The following RYR2 variants were observed in gnomAD, a reference collection of about 807,000 sequenced individuals.
RYR2 encodes the protein cardiac muscle ryanodine receptor-calcium release channel.
In RYR2, 227 loss-of-function variants were observed where a neutral mutation model predicts 601.1. That is an observed-to-expected ratio of 0.38 (90% CI 0.34 to 0.42). RYR2 has a LOEUF of 0.42. Among genes scored for constraint, RYR2 ranks in the 10% least tolerant of loss-of-function variants. RYR2 has a pLI of 1.00. For synonymous variants in RYR2, 2,223 were observed against 2,175.1 expected, an observed-to-expected ratio of 1.02 and a Z score of -0.61; for missense variants, 4,646 against 6,156.5, an observed-to-expected ratio of 0.75 and a Z score of 8.21.
In RYR2 at chr1:237,452,489, T is replaced by C. The variant is rs182454436; in HGVS notation, c.1293-1902T>C. ...ACTATTAGTATATACTAATATATACTATATATAATGTATAACAAATATATA... is the reference window on the plus strand; with the variant it reads ...ACTATTAGTATATACTAATATATACCATATATAATGTATAACAAATATATA... On this transcript the variant is annotated intron_variant, in intron 14 of 104. Transcript: ENST00000366574. 4.3e-4 allele frequency among the ~76,000 whole-genome samples: 63 copies of C among 144,962 alleles called. 1 individual carries two copies. The highest frequency in any genetic ancestry group is 0.012 in the Middle Eastern group (2 of 164).
chr1:237,407,620 T>G (rs1372578847), intron 10 of RYR2, among the ~76,000 whole-genome samples: 1 of 150,964 alleles, frequency 6.6e-6, no homozygotes, highest in Non-Finnish European at 1.5e-5. Flanking sequence ...TTTTTTTTTT[T>G]TTTTTTTTTA....
chr1:237,771,889 G>C (rs1694300330), intron 85 of RYR2, 123 bp from the exon 86 acceptor site: 1 of 629,946 alleles, frequency 1.6e-6, no homozygotes, highest in African/African-American at 1.9e-5. Context: ...AAAACTATTA[G>C]ATAAAAACAC....
chr1:237,394,912 A>C (rs956136718), intron 10 of RYR2, among the ~76,000 whole-genome samples: 2 of 152,218 alleles, frequency 1.3e-5, no homozygotes, highest in Admixed American at 6.5e-5. Flanking sequence ...TCATGGCAGA[A>C]GGCGAATGGG....
intron 2 of RYR2, among the ~76,000 whole-genome samples, chr1:237,283,858 G>C (rs539600317): frequency 6.6e-6 from 1 of 152,268 alleles, no homozygotes; most frequent in African/African-American, 2.4e-5. Context: ...GGTTACATGA[G>C]TAAGTTCTTT....
intron 56 of RYR2, 41 bp downstream of exon 56, chr1:237,660,988 T>A: frequency 7.8e-7 from 1 of 1,280,628 alleles, no homozygotes; most frequent in Non-Finnish European, 1.0e-6. Flanking sequence ...GTTTATGTTA[T>A]GGATTAAATA....
intron 6 of RYR2, among the ~76,000 whole-genome samples, chr1:237,372,575 A>G (rs1700724589): frequency 1.3e-5 from 2 of 152,268 alleles, no homozygotes; most frequent in African/African-American, 4.8e-5. Context: ...AAATATGTAA[A>G]AACAATTTGT....
intron 3 of RYR2, among the ~76,000 whole-genome samples, chr1:237,333,462 G>T (rs1696945732): frequency 6.6e-6 from 1 of 152,192 alleles, no homozygotes; most frequent in South Asian, 2.1e-4. Flanking sequence ...TGTATTTATG[G>T]ATTTGGAGGT....
At chr1:237,045,249 C>T (rs186061701) in intron 1 of RYR2, among the ~76,000 whole-genome samples, 37 of 152,214 alleles carry the variant, frequency 2.4e-4, no homozygotes, top group African/African-American at 8.9e-4. Context: ...AGCTTTTTTG[C>T]TTTTCTTTTT....
intron 29 of RYR2, 33 bp from the exon 30 acceptor site, chr1:237,589,760 G>A (rs758160644): frequency 1.3e-6 from 2 of 1,581,106 alleles, no homozygotes; most frequent in Admixed American, 1.7e-5. Context: ...ATATACTAAT[G>A]GTACTAAAAC....
At chr1:237,168,860 T>C (rs1030340396) in intron 1 of RYR2, among the ~76,000 whole-genome samples, 1 of 152,204 alleles carries the variant, frequency 6.6e-6, no homozygotes, top group African/African-American at 2.4e-5. Flanking sequence ...ATACTAGGAA[T>C]ATTTAAGTCT....
intron 38 of RYR2, among the ~76,000 whole-genome samples, chr1:237,618,807 C>G (rs1261966928): frequency 6.6e-6 from 1 of 152,166 alleles, no homozygotes; most frequent in Non-Finnish European, 1.5e-5. Flanking sequence ...GGGACTTTAT[C>G]CCCGCTGAGT....
intron 38 of RYR2, among the ~76,000 whole-genome samples, chr1:237,618,173 G>T (rs1406135119): frequency 6.6e-6 from 1 of 151,992 alleles, no homozygotes; most frequent in African/African-American, 2.4e-5. Context: ...TGTTTATAGG[G>T]ACTAATTACA....
chr1:237,320,036 G>A (rs964540124), intron 2 of RYR2, among the ~76,000 whole-genome samples: 1 of 152,160 alleles, frequency 6.6e-6, no homozygotes, highest in African/African-American at 2.4e-5. Flanking sequence ...GTGGGGAGAT[G>A]GGAGTAGCCC....
chr1:237,650,905 A>G (rs1201481027), intron 50 of RYR2, among the ~76,000 whole-genome samples: 1 of 152,244 alleles, frequency 6.6e-6, no homozygotes, highest in African/African-American at 2.4e-5. Flanking sequence ...GATATTTTCT[A>G]AGTATTACAT....
chr1:237,192,018 A>G (rs967078399), intron 1 of RYR2, among the ~76,000 whole-genome samples: 27 of 152,094 alleles, frequency 1.8e-4, no homozygotes, highest in African/African-American at 6.5e-4. Flanking sequence ...GCTGTGAAGT[A>G]GGTGAAGTAG....
chr1:237,704,865 T>C (rs915116835), intron 66 of RYR2, among the ~76,000 whole-genome samples: 2 of 152,012 alleles, frequency 1.3e-5, no homozygotes, highest in African/African-American at 4.8e-5. Flanking sequence ...AAAAGAAAAA[T>C]TGATATTTCC....
intron 16 of RYR2, among the ~76,000 whole-genome samples, chr1:237,463,773 C>G (rs1032950662): frequency 6.6e-6 from 1 of 152,072 alleles, no homozygotes; most frequent in African/African-American, 2.4e-5. Context: ...TGTTTTTGTA[C>G]CTTGACGCAC....
At chr1:237,447,750 CTTT>C (rs1203084779) in intron 14 of RYR2, among the ~76,000 whole-genome samples, 2 of 131,906 alleles carry the variant, frequency 1.5e-5, no homozygotes, top group East Asian at 2.3e-4. Context: ...TTCCTTTCTT[CTTT>C]CTTTCTTTTC....
At chr1:237,256,266 C>T (rs1687970188) in intron 1 of RYR2, among the ~76,000 whole-genome samples, 1 of 152,118 alleles carries the variant, frequency 6.6e-6, no homozygotes, top group Non-Finnish European at 1.5e-5. Context: ...GATTGGGAGG[C>T]CTCCCTAGCC....
Sources: allele counts gnomAD v4.1 joint callset (sites outside exome capture counted in the v4.1 genomes callset), GRCh38; gene constraint gnomAD v4.1.1; transcripts MANE v1.5; gene names NCBI Gene and HGNC (gene_info 2026-07-23, HGNC 2026-07-21).